KIF6: variants seen among roughly 807,000 people sequenced by gnomAD.
KIF6 encodes kinesin-like protein KIF6.
KIF6 carries 106 observed loss-of-function variants against 112.7 expected under a neutral mutation model. That is an observed-to-expected ratio of 0.94 (90% confidence interval 0.80 to 1.11). The LOEUF is 1.11. Among genes scored for constraint, KIF6 ranks in the 50% least tolerant of loss-of-function variants. The pLI is 0.00. For synonymous variants in KIF6, 339 were observed against 339.9 expected, an observed-to-expected ratio of 1.00 and a Z score of 0.03; for missense variants, 929 against 964.0, an observed-to-expected ratio of 0.96 and a Z score of 0.48.
intron 15 of KIF6, among the ~76,000 whole-genome samples, chr6:39,416,026 C>T (rs1363420036): frequency 6.6e-6 from 1 of 152,218 alleles, no homozygotes; most frequent in Non-Finnish European, 1.5e-5. Context: ...ACCCACTGTG[C>T]AGCCTCCTGT....
intron 15 of KIF6, among the ~76,000 whole-genome samples, chr6:39,410,314 G>A (rs139020658): frequency 2.6e-4 from 40 of 152,354 alleles, no homozygotes; most frequent in African/African-American, 8.7e-4. Flanking sequence ...TTCTGAAAAT[G>A]TGAAATGACT....
chr6:39,501,709 G>C (rs1018934010), intron 13 of KIF6, among the ~76,000 whole-genome samples: 3 of 152,152 alleles, frequency 2.0e-5, no homozygotes, highest in African/African-American at 7.2e-5. Context: ...TAGCAGAGTA[G>C]ATCAAGTGTA....
chr6:39,512,609 T>C lies in KIF6; in HGVS notation c.1645+27394A>G, dbSNP rs569207026. ...AGTCTTTCCCTTACTCCCTCTATGCTGGCACAGGTTATGTTTGAGAGTTTT... is the reference window on the plus strand; with the variant it reads ...AGTCTTTCCCTTACTCCCTCTATGCCGGCACAGGTTATGTTTGAGAGTTTT... On this transcript the variant is annotated intron_variant, in intron 13 of 22. Transcript: ENST00000287152. 2.0e-5 allele frequency among the ~76,000 whole-genome samples: 3 copies of C among 152,348 alleles called. No homozygotes were observed. In the South Asian group the frequency reaches 6.2e-4, roughly 32 times the overall value.
intron 13 of KIF6, among the ~76,000 whole-genome samples, chr6:39,439,769 C>T (rs9380863): frequency 0.33 from 50,206 of 151,734 alleles, 10,265 homozygotes; most frequent in African/African-American, 0.58. Flanking sequence ...TTTGGGAAGC[C>T]CTCCCCATCC....
chr6:39,723,666 T>C (rs1433060360), intron 1 of KIF6, among the ~76,000 whole-genome samples: 1 of 152,176 alleles, frequency 6.6e-6, no homozygotes, highest in Non-Finnish European at 1.5e-5. Context: ...ACACCACATG[T>C]TCTCACTCAT....
chr6:39,600,586 C>T (rs1782517127), intron 6 of KIF6, among the ~76,000 whole-genome samples: 1 of 152,186 alleles, frequency 6.6e-6, no homozygotes, highest in African/African-American at 2.4e-5. Context: ...TCGCCACCCT[C>T]TGCCCACCAC....
intron 9 of KIF6, among the ~76,000 whole-genome samples, chr6:39,582,433 T>C (rs1415981618): frequency 6.6e-6 from 1 of 152,080 alleles, no homozygotes; most frequent in Non-Finnish European, 1.5e-5. Flanking sequence ...TTTTTTGAGA[T>C]GGAGTTTTGC....
intron 6 of KIF6, among the ~76,000 whole-genome samples, chr6:39,599,649 CTG>C (rs1324909850): frequency 6.6e-6 from 1 of 152,166 alleles, no homozygotes; most frequent in Non-Finnish European, 1.5e-5. Flanking sequence ...TTGGAAGTGA[CTG>C]TAAGTTATTT....
chr6:39,412,931 C>T (rs928903341), intron 15 of KIF6, among the ~76,000 whole-genome samples: 1 of 151,580 alleles, frequency 6.6e-6, no homozygotes, highest in African/African-American at 2.4e-5. Flanking sequence ...CAGCCTCAAC[C>T]CTTCCTTAAA....
chr6:39,346,391 A>C (rs1562113974), intron 20 of KIF6, 85 bp downstream of exon 20: 1 of 714,636 alleles, frequency 1.4e-6, no homozygotes, highest in Non-Finnish European at 2.6e-6. Flanking sequence ...TATAAAAGAG[A>C]CATTGGAGAG....
intron 13 of KIF6, among the ~76,000 whole-genome samples, chr6:39,470,854 C>T (rs2150439348): frequency 6.6e-6 from 1 of 151,034 alleles, no homozygotes; most frequent in African/African-American, 2.4e-5. Context: ...ACCCACTGCC[C>T]TTTATAACGT....
At chr6:39,629,404 A>G (rs1784247019) in intron 5 of KIF6, among the ~76,000 whole-genome samples, 1 of 152,044 alleles carries the variant, frequency 6.6e-6, no homozygotes, top group African/African-American at 2.4e-5. Context: ...TTAATTTGCA[A>G]TTCCCTAATG....
intron 3 of KIF6, among the ~76,000 whole-genome samples, chr6:39,711,603 G>T (rs142606039): frequency 2.5e-4 from 38 of 152,176 alleles, no homozygotes; most frequent in African/African-American, 8.7e-4. Flanking sequence ...GAACTCCTGG[G>T]CTCATTTAAC....
chr6:39,546,832 A>T (rs1779094050), intron 10 of KIF6, among the ~76,000 whole-genome samples: 1 of 152,092 alleles, frequency 6.6e-6, no homozygotes, highest in African/African-American at 2.4e-5. Context: ...TCTCAAAAAA[A>T]AAAAAAAAAA....
intron 13 of KIF6, among the ~76,000 whole-genome samples, chr6:39,487,558 C>A (rs374896602): frequency 6.6e-6 from 1 of 152,166 alleles, no homozygotes; most frequent in Admixed American, 6.6e-5. Context: ...TCCCTTCCCC[C>A]ACAGGTGTCA....
At position 39,631,703 on chromosome 6, in the gene KIF6, T is replaced by C. The variant is rs79391481; in HGVS notation, c.509+3146A>G. Among the ~76,000 whole-genome samples the C allele has an allele frequency of 3.3e-3, 481 of 146,694 alleles. 4 individuals carry two copies. Among genetic ancestry groups the C allele is most frequent in the African/African-American group, 0.012 (451 of 39,058 alleles). On this transcript the variant is annotated intron_variant, in intron 5 of 22. Coordinates refer to ENST00000287152, the MANE Select transcript of KIF6 (RefSeq NM_145027.6). ...TATGTTCATGAGAGATATCAGTCTG[T>C]AGTTTTTTTTTTTGTTTTTTTGTTT...
At chr6:39,390,516 T>A (rs1286964138) in intron 15 of KIF6, among the ~76,000 whole-genome samples, 1 of 152,136 alleles carries the variant, frequency 6.6e-6, no homozygotes, top group Admixed American at 6.5e-5. Flanking sequence ...AGGCCAAGTA[T>A]ATACTGGTTT....
chr6:39,337,885 C>A (rs997957859), intron 22 of KIF6, among the ~76,000 whole-genome samples: 1 of 152,282 alleles, frequency 6.6e-6, no homozygotes, highest in East Asian at 1.9e-4. Context: ...AGATGAGATA[C>A]CTGGAAAAAG....
At chr6:39,618,084 C>A (rs769197641) in intron 5 of KIF6, among the ~76,000 whole-genome samples, 1 of 152,132 alleles carries the variant, frequency 6.6e-6, no homozygotes, top group Non-Finnish European at 1.5e-5. Context: ...AGATTGATTA[C>A]AACTTTCTAA....
Sources: gnomAD v4.1 joint callset for allele counts (sites outside exome capture counted in the v4.1 genomes callset) on GRCh38, gnomAD v4.1.1 for gene constraint, MANE v1.5 for transcripts, NCBI Gene and HGNC (gene_info 2026-07-23, HGNC 2026-07-21) for gene names.